Variants in SH3RF3 observed in about 807,000 individuals in gnomAD.
SH3RF3 encodes the protein SH3 domain containing ring finger 3.
Under a neutral mutation model 66.3 loss-of-function variants are expected in SH3RF3, and 29 were observed. The ratio of observed to expected loss-of-function variants is 0.44; its 90% CI spans 0.33 to 0.60. The LOEUF (loss-of-function observed/expected upper bound fraction) is 0.60, where lower values mean the gene tolerates loss of function less well. Ranked by LOEUF, SH3RF3 falls within the 20% of genes least tolerant of loss-of-function variation. SH3RF3 has a pLI of 0.04. For missense variants in SH3RF3, 1,194 were observed against 1,190.9 expected (o/e 1.00, Z -0.04); for synonymous variants, 583 against 532.0 (o/e 1.10, Z -1.32).
rs76862460 is a variant in SH3RF3 at position 109,443,886 on chromosome 2, C to T, written c.1829-5284C>T. ...AACATTAGAACAACAGTATAATCAA[C>T]TTGACTTAGTTGACGTTTGTGAAAC... On this transcript the variant is annotated intron_variant, in intron 7 of 9. Coordinates refer to ENST00000309415, the MANE Select transcript of SH3RF3 (RefSeq NM_001099289.3). 7.6e-3 allele frequency among the ~76,000 whole-genome samples: 1,157 copies of T among 152,282 alleles called. 12 individuals are homozygous for T. Among genetic ancestry groups the T allele is most frequent in the Admixed American group, 0.011 (171 of 15,306 alleles).
chr2:109,311,415 C>A (rs1196246335), intron 1 of SH3RF3, among the ~76,000 whole-genome samples: 1 of 141,190 alleles, frequency 7.1e-6, no homozygotes, highest in Non-Finnish European at 1.5e-5. Flanking sequence ...TGGAAGCATT[C>A]CCTTTGAAAA....
intron 3 of SH3RF3, among the ~76,000 whole-genome samples, chr2:109,391,753 C>A (rs1244848635): frequency 6.6e-6 from 1 of 152,306 alleles, no homozygotes; most frequent in Middle Eastern, 3.4e-3. Flanking sequence ...GGCCACCAAC[C>A]CTTGGTAACT....
intron 3 of SH3RF3, among the ~76,000 whole-genome samples, chr2:109,383,697 T>C (rs2104387653): frequency 6.6e-6 from 1 of 152,280 alleles, no homozygotes; most frequent in Admixed American, 6.5e-5. Flanking sequence ...TCGTTGCTGC[T>C]CAACCCCCGC....
chr2:109,318,284 C>T (rs905029447), intron 1 of SH3RF3, among the ~76,000 whole-genome samples: 1 of 152,058 alleles, frequency 6.6e-6, no homozygotes, highest in African/African-American at 2.4e-5. Context: ...GGAGCATTTC[C>T]ATGCGACTGC....
At chr2:109,217,062 G>A (rs116809733) in intron 1 of SH3RF3, among the ~76,000 whole-genome samples, 1,602 of 152,300 alleles carry the variant, frequency 0.011, 30 homozygotes, top group African/African-American at 0.036. Flanking sequence ...ATTTCACTCA[G>A]CACAGTGTCC....
intron 3 of SH3RF3, among the ~76,000 whole-genome samples, chr2:109,375,867 G>A (rs1349252075): frequency 6.6e-6 from 1 of 152,236 alleles, no homozygotes. Flanking sequence ...CAGCCCATGG[G>A]CAGTTCAGGG....
At chr2:109,469,544 A>G (rs13000417) in intron 8 of SH3RF3, among the ~76,000 whole-genome samples, 94,481 of 151,972 alleles carry the variant, frequency 0.62, 29,711 homozygotes, top group African/African-American at 0.7. Flanking sequence ...TAGGCTGCCT[A>G]GAAAATAACA....
intron 1 of SH3RF3, among the ~76,000 whole-genome samples, chr2:109,322,639 T>G (rs1682052786): frequency 6.6e-6 from 1 of 152,180 alleles, no homozygotes; most frequent in Non-Finnish European, 1.5e-5. Flanking sequence ...CAAAGGCTGG[T>G]CTCCAGCAGA....
At chr2:109,466,801 ATGTG>A (rs957832120) in intron 8 of SH3RF3, among the ~76,000 whole-genome samples, 18 of 151,782 alleles carry the variant, frequency 1.2e-4, no homozygotes, top group African/African-American at 4.4e-4. Context: ...GTGTATCTAT[ATGTG>A]TGTATGTCTA....
At chr2:109,355,202 T>G (rs1682924712) in intron 2 of SH3RF3, among the ~76,000 whole-genome samples, 1 of 152,202 alleles carries the variant, frequency 6.6e-6, no homozygotes, top group Non-Finnish European at 1.5e-5. Flanking sequence ...GCACTTGACA[T>G]GAAACCTGTA....
At chr2:109,353,575 C>T (rs1176352902) in intron 2 of SH3RF3, among the ~76,000 whole-genome samples, 2 of 152,092 alleles carry the variant, frequency 1.3e-5, no homozygotes, top group Non-Finnish European at 2.9e-5. Context: ...GTGGGGTGCC[C>T]TGTGTCACCT....
intron 1 of SH3RF3, among the ~76,000 whole-genome samples, chr2:109,336,209 C>G (rs1682417591): frequency 6.6e-6 from 1 of 152,202 alleles, no homozygotes; most frequent in African/African-American, 2.4e-5. Flanking sequence ...AGCTGGCCTG[C>G]AGGAGAAGGA....
chr2:109,317,157 CATG>C (rs1681904752), intron 1 of SH3RF3, among the ~76,000 whole-genome samples: 1 of 146,826 alleles, frequency 6.8e-6, no homozygotes, highest in Admixed American at 6.8e-5. Flanking sequence ...ATGTAAGTTT[CATG>C]AAATGTTTTG....
rs1019882122 is a variant in SH3RF3, at chr2:109,187,133, C to T, written c.573+57020C>T. ...GGCTCCAGAGCCACAGGGTGAGGGA[C>T]ACAGGACTCTGTCCCCACGGTGCTG... On this transcript the variant is annotated intron_variant, in intron 1 of 9. Transcript: ENST00000309415. 2.7e-5 allele frequency among the ~76,000 whole-genome samples: 4 copies of T among 149,804 alleles called. No individual in the cohort carries two copies. The Admixed American group carries it at 2.7e-4, about 10-fold the overall frequency.
intron 1 of SH3RF3, among the ~76,000 whole-genome samples, chr2:109,179,209 A>G (rs546552222): frequency 6.6e-6 from 1 of 152,298 alleles, no homozygotes; most frequent in African/African-American, 2.4e-5. Flanking sequence ...AGATAATCAA[A>G]ATTAGGTTCT....
At chr2:109,230,294 G>C (rs1480442460) in intron 1 of SH3RF3, among the ~76,000 whole-genome samples, 2 of 152,132 alleles carry the variant, frequency 1.3e-5, no homozygotes, top group Non-Finnish European at 2.9e-5. Context: ...CTGTAACCCT[G>C]GCCAGGCATA....
intron 9 of SH3RF3, among the ~76,000 whole-genome samples, chr2:109,499,760 GGTGTGTGTGTATGT>G (rs1430691209): frequency 6.6e-6 from 1 of 152,150 alleles, no homozygotes; most frequent in Non-Finnish European, 1.5e-5. Context: ...AGAGCAGGGG[GGTGTGTGTGTATGT>G]GTGTGTGTGT....
chr2:109,186,666 G>A (rs868750799), intron 1 of SH3RF3, among the ~76,000 whole-genome samples: 6 of 152,166 alleles, frequency 3.9e-5, no homozygotes, highest in Non-Finnish European at 5.9e-5. Context: ...AAGACCCTGC[G>A]GGAAATGCAT....
At chr2:109,249,605 T>TTCTTTCTTTC in intron 1 of SH3RF3, among the ~76,000 whole-genome samples, 1 of 145,538 alleles carries the variant, frequency 6.9e-6, no homozygotes, top group South Asian at 2.1e-4. Flanking sequence ...TTCTTTTTCT[T>TTCTTTCTTTC]TCTTTCTTTC....
Sources: gnomAD v4.1 joint callset for allele counts (sites outside exome capture counted in the v4.1 genomes callset) on GRCh38, gnomAD v4.1.1 for gene constraint, MANE v1.5 for transcripts, NCBI Gene and HGNC (gene_info 2026-07-23, HGNC 2026-07-21) for gene names.